The following IL12RB2 variants were observed in gnomAD, a reference collection of about 807,000 sequenced individuals.
IL12RB2 encodes the protein interleukin 12 receptor subunit beta 2, also known as interleukin-12 receptor subunit beta-2.
IL12RB2 carries 82 observed loss-of-function variants against 89.4 expected under a neutral mutation model. That is an observed-to-expected ratio of 0.92 (90% CI 0.77 to 1.10). IL12RB2 has a LOEUF of 1.10. Ranked by LOEUF, IL12RB2 falls within the 50% of genes least tolerant of loss-of-function variation. The pLI is 0.00. For missense variants in IL12RB2, 963 were observed against 1,031.9 expected (o/e 0.93, Z 0.92); for synonymous variants, 368 against 370.1 (o/e 0.99, Z 0.07).
intron 13 of IL12RB2, among the ~76,000 whole-genome samples, chr1:67,378,157 T>C (rs1311824386): frequency 1.3e-5 from 2 of 151,654 alleles, no homozygotes; most frequent in Admixed American, 6.6e-5. Flanking sequence ...CAAAAACCTA[T>C]TGAAATTTGT....
intron 9 of IL12RB2, among the ~76,000 whole-genome samples, chr1:67,341,708 G>T (rs561553483): frequency 6.6e-6 from 1 of 152,274 alleles, no homozygotes; most frequent in South Asian, 2.1e-4. Context: ...AGTCTAAGAG[G>T]CTCCCCAAGG....
At chr1:67,322,576 T>A (rs977770913) in intron 4 of IL12RB2, among the ~76,000 whole-genome samples, 1 of 151,938 alleles carries the variant, frequency 6.6e-6, no homozygotes, top group Non-Finnish European at 1.5e-5. Context: ...GGTGGTAACA[T>A]CACTGGACTG....
At chr1:67,374,731 C>T (rs981205768) in intron 13 of IL12RB2, among the ~76,000 whole-genome samples, 3 of 147,976 alleles carry the variant, frequency 2.0e-5, no homozygotes, top group Non-Finnish European at 4.5e-5. Flanking sequence ...CTGCCTTGGC[C>T]TCTCACAGTG....
At chr1:67,392,476 A>G (rs1249472217) in intron 16 of IL12RB2, among the ~76,000 whole-genome samples, 1 of 152,174 alleles carries the variant, frequency 6.6e-6, no homozygotes, top group Non-Finnish European at 1.5e-5. Context: ...ACACACACTC[A>G]TACATCTGCA....
At chr1:67,357,010 G>A (rs1661469800) in intron 10 of IL12RB2, among the ~76,000 whole-genome samples, 1 of 152,178 alleles carries the variant, frequency 6.6e-6, no homozygotes, top group Admixed American at 6.5e-5. Flanking sequence ...AGCATGGAAT[G>A]TTTAGGGGAT....
rs374199491 is a variant in IL12RB2 at position 67,321,655 on chromosome 1, G to T, written c.130G>T (p.Gly44Ter). 150 of 1,604,622 alleles carry T rather than the reference G, an allele frequency of 9.3e-5. No individual in the cohort carries two copies. Among genetic ancestry groups the T allele is most frequent in the Non-Finnish European group, 1.2e-4 (146 of 1,171,486 alleles). ...GAAGCCTTCCCATGTAATTTTACTTGGATCCACTGTCAATATTACATGCTC... is the reference window on the plus strand; with the variant it reads ...GAAGCCTTCCCATGTAATTTTACTTTGATCCACTGTCAATATTACATGCTC... ...TVKPSHVILL[G>*]STVNITCSLK... The change falls in exon 4 of 17, where the codon GGA (glycine) becomes TGA (stop). Residue 44 changes from glycine to a stop codon, truncating the protein, a stop_gained. Transcript: ENST00000674203. LOFTEE classifies it high-confidence loss of function.
chr1:67,341,529 G>GAGAAAGAA (rs200463047), intron 9 of IL12RB2, among the ~76,000 whole-genome samples: 1,746 of 110,682 alleles, frequency 0.016, 38 homozygotes, highest in African/African-American at 0.037. Context: ...AAAAAAGAAA[G>GAGAAAGAA]AGAAAGAAAG....
intron 9 of IL12RB2, among the ~76,000 whole-genome samples, chr1:67,345,064 A>G (rs947981507): frequency 1.3e-5 from 2 of 152,126 alleles, no homozygotes; most frequent in Non-Finnish European, 2.9e-5. Flanking sequence ...CCAGCTACTC[A>G]AGAGGCTGAG....
intron 9 of IL12RB2, among the ~76,000 whole-genome samples, chr1:67,339,609 T>G (rs1472319642): frequency 6.6e-6 from 1 of 151,994 alleles, no homozygotes; most frequent in Non-Finnish European, 1.5e-5. Flanking sequence ...GACATTATCA[T>G]AGAATGCGAA....
chr1:67,332,519 G>A (rs1055769026), intron 8 of IL12RB2, among the ~76,000 whole-genome samples: 1 of 152,146 alleles, frequency 6.6e-6, no homozygotes, highest in Admixed American at 6.5e-5. Flanking sequence ...TTGTCTAAAA[G>A]TGAATTTATC....
In IL12RB2 at chr1:67,326,815, C is replaced by T. The variant is rs765878513; in HGVS notation, c.445C>T (p.Arg149Ter). Residue 149 changes from arginine (R) to a stop codon, truncating the protein, a stop_gained, in exon 5 of 17, where the codon CGA becomes TGA. Transcript: ENST00000674203. LOFTEE classifies it high-confidence loss of function. ...TGTGGCCTGCACCTGGGAAAGAGGACGAGACACCCACTTATACACTGAGTA... is the reference window on the plus strand; with the variant it reads ...TGTGGCCTGCACCTGGGAAAGAGGATGAGACACCCACTTATACACTGAGTA... ...GTVACTWERGRDTHLYTEYTL... is the reference protein window; with the variant it reads ...GTVACTWERG 11 of 1,613,462 alleles carry T rather than the reference C, an allele frequency of 6.8e-6. No homozygotes were observed. The highest frequency in any genetic ancestry group is 2.7e-5 in the African/African-American group (2 of 74,844).
In IL12RB2 at chr1:67,348,450, T is replaced by C. The variant is rs114106107; in HGVS notation, c.1039-2420T>C. Among the ~76,000 whole-genome samples, 888 of 152,276 alleles carry C rather than the reference T, an allele frequency of 5.8e-3. 8 individuals carry two copies. The highest frequency in any genetic ancestry group is 0.024 in the Middle Eastern group (7 of 294). ...AGAGCTCTGGGCTCTGCGCCTACCT[T>C]CTTCATCTGTCCATTGAATGGCCTT... On this transcript the variant is annotated intron_variant, in intron 9 of 16. Coordinates refer to ENST00000674203, the MANE Select transcript of IL12RB2 (RefSeq NM_001374259.2).
At position 67,370,064 on chromosome 1, in the gene IL12RB2, A is replaced by G. The variant is rs144309541; in HGVS notation, c.1459+2039A>G. 9.5e-3 allele frequency among the ~76,000 whole-genome samples: 1,433 copies of G among 151,470 alleles called. 21 individuals carry two copies. The highest frequency in any genetic ancestry group is 0.033 in the African/African-American group (1,360 of 41,326). ...ATATACTAATGAATAAAATAACTTT[A>G]TTAAATTAAAGTTGTTCTCCTGCTT... On this transcript the variant is annotated intron_variant, in intron 11 of 16. Transcript: ENST00000674203.
intron 9 of IL12RB2, among the ~76,000 whole-genome samples, chr1:67,340,847 G>T (rs1659445686): frequency 1.3e-5 from 2 of 152,100 alleles, no homozygotes; most frequent in African/African-American, 4.8e-5. Flanking sequence ...ACAAGGCTTA[G>T]GTTCTATAAT....
At chr1:67,347,660 G>A (rs1660386277) in intron 9 of IL12RB2, among the ~76,000 whole-genome samples, 1 of 152,176 alleles carries the variant, frequency 6.6e-6, no homozygotes. Context: ...ACAGGTCAGA[G>A]CAGAAAGAAA....
At chr1:67,344,665 A>G (rs557293653) in intron 9 of IL12RB2, among the ~76,000 whole-genome samples, 1 of 152,312 alleles carries the variant, frequency 6.6e-6, no homozygotes, top group African/African-American at 2.4e-5. Context: ...TTTTAAAATT[A>G]TTTGGATATT....
intron 2 of IL12RB2, among the ~76,000 whole-genome samples, chr1:67,318,385 G>T (rs1656059334): frequency 6.6e-6 from 1 of 152,170 alleles, no homozygotes. Context: ...TTCAAAGATA[G>T]TTGGCTCTGT....
intron 14 of IL12RB2, among the ~76,000 whole-genome samples, chr1:67,384,403 A>G (rs1664923679): frequency 6.6e-6 from 1 of 152,236 alleles, no homozygotes; most frequent in South Asian, 2.1e-4. Context: ...CCAAGTCCCA[A>G]GGCTGCATAC....
intron 13 of IL12RB2, among the ~76,000 whole-genome samples, chr1:67,373,245 A>C (rs1429523553): frequency 6.6e-6 from 1 of 152,214 alleles, no homozygotes; most frequent in Non-Finnish European, 1.5e-5. Context: ...AGTAGTGGGA[A>C]CTACAGGTGC....
Sources: gnomAD v4.1 joint callset for allele counts (sites outside exome capture counted in the v4.1 genomes callset) on GRCh38, gnomAD v4.1.1 for gene constraint, MANE v1.5 for transcripts, NCBI Gene and HGNC (gene_info 2026-07-23, HGNC 2026-07-21) for gene names.